The following EIF2B4 variants were observed in gnomAD, a reference collection of about 807,000 sequenced individuals.
The protein encoded by EIF2B4 is eukaryotic translation initiation factor 2B subunit delta, also known as translation initiation factor eIF2B subunit delta.
EIF2B4 carries 34 observed loss-of-function variants against 66.7 expected under a neutral mutation model. The ratio of observed to expected loss-of-function variants is 0.51; its 90% confidence interval spans 0.39 to 0.68. The LOEUF is 0.68. Among genes scored for constraint, EIF2B4 ranks in the 30% least tolerant of loss-of-function variants. EIF2B4 has a pLI of 0.00. For missense variants in EIF2B4, 618 were observed against 657.9 expected (o/e 0.94, Z 0.66); for synonymous variants, 278 against 253.6 (o/e 1.10, Z -0.92).
chr2:27,367,043 A>T, intron 10 of EIF2B4, 31 bp downstream of exon 10: 1 of 1,614,112 alleles, frequency 6.2e-7, no homozygotes, highest in Non-Finnish European at 8.5e-7. Context: ...TCCAACTCCC[A>T]ATCTGCTCAG....
At chr2:27,365,225 T>C (rs902472343) in intron 11 of EIF2B4, 3 of 348,730 alleles carry the variant, frequency 8.6e-6, no homozygotes, top group African/African-American at 2.1e-5. Context: ...CCCAGCTGAT[T>C]TGTTGTATTT....
At chr2:27,367,319 CA>C in intron 9 of EIF2B4, 118 bp from the exon 10 acceptor site, 1 of 1,582,634 alleles carries the variant, frequency 6.3e-7, no homozygotes, top group Non-Finnish European at 8.7e-7. Context: ...AGAGATGGCA[CA>C]AGTCAGAATG....
Position 27,369,548 on chromosome 2 carries a change from G to A in EIF2B4, c.77C>T (p.Ala26Val), listed in dbSNP as rs752068283. The A allele has an allele frequency of 1.2e-6, 2 of 1,614,008 alleles. No homozygotes were observed. The highest frequency in any genetic ancestry group is 3.3e-5 in the Admixed American group (2 of 60,006). ...TTCTTTGGTCATTTCCCTCCCCACT[G>A]CCTGAGACACAGACATAGGATACTG... ...MKAELPPGPG[A>V]VGREMTKEEK... Residue 26 changes from alanine to valine, a missense_variant and splice_region_variant, in exon 3 of 13, where the codon GCA (alanine) becomes GTA (valine). Ala to Val is a moderately conservative substitution (Grantham distance 64, BLOSUM62 0). Coordinates refer to ENST00000347454, the MANE Select transcript of EIF2B4 (RefSeq NM_001034116.2).
chr2:27,366,217 T>TGTGG (rs1681852627), intron 11 of EIF2B4: 1 of 2,980 alleles, frequency 3.4e-4, no homozygotes. Context: ...TGGGGTGGGG[T>TGTGG]GTGTGTGTGT....
chr2:27,368,990 A>G lies in EIF2B4; in HGVS notation c.418+16T>C. On this transcript the variant is annotated intron_variant, in intron 4 of 12. Transcript: ENST00000347454. ...TAATTAGGAGTAAGGGAGGTCTTAA[A>G]ATGAAGGGAAGATACCTGAGGGGGT... 1.9e-6 allele frequency: 3 copies of G among 1,614,026 alleles called. No individual in the cohort carries two copies. Among genetic ancestry groups the G allele is most frequent in the East Asian group, 2.2e-5 (1 of 44,854 alleles).
intron 1 of EIF2B4, 138 bp from the exon 2 acceptor site, chr2:27,370,057 C>T (rs1042198364): frequency 6.6e-7 from 1 of 1,506,294 alleles, no homozygotes; most frequent in South Asian, 1.3e-5. Context: ...CAGGGATCCG[C>T]GTGGGGACGC....
chr2:27,366,747 C>A lies in EIF2B4; in HGVS notation c.1191+12G>T. 1 of 1,614,140 alleles carries A rather than the reference C, an allele frequency of 6.2e-7. No homozygotes were observed. The highest frequency in any genetic ancestry group is 8.5e-7 in the Non-Finnish European group (1 of 1,180,028). ...CACCGCCAACTTTGGAGTCCTTTTC[C>A]TCTGTACTTACCTCTGGGAGCACAT... On this transcript the variant is annotated intron_variant, in intron 11 of 12. Coordinates refer to ENST00000347454, the MANE Select transcript of EIF2B4 (RefSeq NM_001034116.2).
At position 27,364,583 on chromosome 2, in the gene EIF2B4, C is replaced by T; in HGVS notation, c.1389G>A (p.Leu463=). Residue 463 remains leucine, a synonymous_variant, in exon 13 of 13, where the codon CTG becomes CTA. Transcript: ENST00000347454. Reference sequence around the variant, plus strand: ...CAACATGTTCTCCCCGCTTACATTGCAGATCATCAGGGTCATCTGCAATGG... The same window carrying T: ...CAACATGTTCTCCCCGCTTACATTGTAGATCATCAGGGTCATCTGCAATGG... ...VSNELDDPDD[L]QCKRGEHVAL... is the part of the protein sequence containing the mutation. The T allele has an allele frequency of 4.3e-6, 7 of 1,614,230 alleles. No individual in the cohort carries two copies. The highest frequency in any genetic ancestry group is 5.9e-6 in the Non-Finnish European group (7 of 1,180,048).
At chr2:27,366,510 C>G in intron 11 of EIF2B4, 1 of 538,224 alleles carries the variant, frequency 1.9e-6, no homozygotes. Context: ...GATATCCCAT[C>G]TCTACAAGAA....
chr2:27,366,117 CGT>C (rs1681832381), intron 11 of EIF2B4: 1 of 87,116 alleles, frequency 1.1e-5, no homozygotes, highest in Non-Finnish European at 2.2e-5. Context: ...TGTGTGTGTG[CGT>C]GCGCGCGCGC....
At position 27,367,343 on chromosome 2, in the gene EIF2B4, C is replaced by T. The variant is rs763032914; in HGVS notation, c.885+114G>A. ...ACAAGTCAGAATGGCCAAACCATTC[C>T]TTAACCCTTGACTAGGGCAAAAAAA... On this transcript the variant is annotated intron_variant, in intron 9 of 12. Transcript: ENST00000347454. 12 of 1,577,226 alleles carry T rather than the reference C, an allele frequency of 7.6e-6. No homozygotes were observed. In the Admixed American group the frequency reaches 1.7e-4, roughly 22 times the overall value.
Position 27,367,488 on chromosome 2 carries a change from G to T in EIF2B4, c.854C>A (p.Thr285Asn), listed in dbSNP as rs1681947231. 2 of 1,614,096 alleles carry T rather than the reference G, an allele frequency of 1.2e-6. No homozygotes were observed. The highest frequency in any genetic ancestry group is 1.7e-6 in the Non-Finnish European group (2 of 1,180,040). ...NAIKFLNKEI[T>N]SVGSSKREEE... ...TTCCCGCTTGGAACTGCCCACACTG[G>T]TGATTTCCTTGTTAAGGAACTTGAT... Residue 285 changes from threonine to asparagine, a missense_variant, in exon 9 of 13, where the codon ACC becomes AAC. Around this residue, in one of 4 missense-constraint regions of EIF2B4, gnomAD observed 506 missense variants for 511.9 expected, o/e 0.99. Coordinates refer to ENST00000347454, the MANE Select transcript of EIF2B4 (RefSeq NM_001034116.2).
chr2:27,367,058 A>G lies in EIF2B4; in HGVS notation c.1013+16T>C, dbSNP rs201674537. The G allele has an allele frequency of 1.9e-5, 31 of 1,614,148 alleles. No homozygotes were observed. In the East Asian group the frequency reaches 5.6e-4, roughly 29 times the overall value. ...TCCAACTCCCAATCTGCTCAGTCAC[A>G]AGGTCTGGACCATACCATCCATATA... On this transcript the variant is annotated intron_variant, in intron 10 of 12. Transcript: ENST00000347454.
At chr2:27,365,055 C>CTTTTTT in intron 11 of EIF2B4, 157 bp from the exon 12 acceptor site, 1 of 556,024 alleles carries the variant, frequency 1.8e-6, no homozygotes, top group Non-Finnish European at 3.0e-6. Context: ...AGTAATAAAT[C>CTTTTTT]TTTTTTTTTT....
At position 27,368,153 on chromosome 2, in the gene EIF2B4, G is replaced by A. The variant is rs1169926264; in HGVS notation, c.591-14C>T. ...GAGGATGGGATGCTGATGGGATGGC[G>A]GTGTCACATACTTTGAAAGGGAGCT... On this transcript the variant is annotated splice_polypyrimidine_tract_variant and intron_variant, in intron 6 of 12. Coordinates refer to ENST00000347454, the MANE Select transcript of EIF2B4 (RefSeq NM_001034116.2). 11 of 1,568,108 alleles carry A rather than the reference G, an allele frequency of 7.0e-6. No individual in the cohort carries two copies. Among genetic ancestry groups the A allele is most frequent in the Admixed American group, 5.6e-5 (3 of 53,568 alleles).
chr2:27,369,865 G>A lies in EIF2B4; in HGVS notation c.75+11C>T. The A allele has an allele frequency of 6.4e-7, 1 of 1,572,278 alleles. No homozygotes were observed. The highest frequency in any genetic ancestry group is 8.6e-7 in the Non-Finnish European group (1 of 1,158,912). On this transcript the variant is annotated intron_variant, in intron 2 of 12. Transcript: ENST00000347454. ...GCTTGGCAGGCGGCTTGGGAGGGAAGCCTCACTTACCCCAGGCCCAGGGGG... is the reference window on the plus strand; with the variant it reads ...GCTTGGCAGGCGGCTTGGGAGGGAAACCTCACTTACCCCAGGCCCAGGGGG...
At position 27,369,210 on chromosome 2, in the gene EIF2B4, C is replaced by T; in HGVS notation, c.214G>A (p.Gly72Ser). The T allele has an allele frequency of 6.2e-7, 1 of 1,611,082 alleles. No homozygotes were observed. ...GATTCTGGCAGTTCTCTGGTTGGGC[C>T]TACTAAAAGCATTAAAAAAAAAAAT... ...SAVSAAQCQV[G>S]PTRELPESGI... The change falls in exon 4 of 13, where the codon GGC (glycine) becomes AGC (serine). Residue 72 changes from glycine (G) to serine (S), a missense_variant and splice_region_variant. Transcript: ENST00000347454.
intron 9 of EIF2B4, 33 bp from the exon 10 acceptor site, chr2:27,367,234 A>G (rs538015161): frequency 3.1e-6 from 5 of 1,613,982 alleles, no homozygotes; most frequent in South Asian, 2.2e-5. Flanking sequence ...TGAACAAGAA[A>G]TGGACACTTT....
intron 2 of EIF2B4, 41 bp downstream of exon 2, chr2:27,369,835 G>A (rs1682230457): frequency 1.3e-6 from 2 of 1,551,426 alleles, no homozygotes; most frequent in Non-Finnish European, 8.7e-7. Flanking sequence ...AGCCTCCTGC[G>A]TAGCGCTTGG....
Sources: allele counts gnomAD v4.1 joint callset, GRCh38; gene constraint gnomAD v4.1.1; regional missense constraint gnomAD v4.1.1; transcripts MANE v1.5; gene names NCBI Gene and HGNC (gene_info 2026-07-23, HGNC 2026-07-21).